The following TSPAN7 variants were observed in gnomAD, a reference collection of about 807,000 sequenced individuals.
TSPAN7 encodes the protein tetraspanin 7.
Under a neutral mutation model 17.6 loss-of-function variants are expected in TSPAN7, and 1 was observed. The observed-to-expected ratio is 0.06, with a 90% CI of 0.02 to 0.27. The LOEUF (loss-of-function observed/expected upper bound fraction) is 0.27. Among genes scored for constraint, TSPAN7 ranks in the 10% least tolerant of loss-of-function variants. The pLI is 1.00. For missense variants in TSPAN7, 112 were observed against 201.7 expected (o/e 0.56, Z 2.69); for synonymous variants, 78 against 79.0 (o/e 0.99, Z 0.07).
intron 1 of TSPAN7, among the ~76,000 whole-genome samples, chrX:38,653,012 C>T (rs7885202): frequency 0.12 from 13,738 of 111,401 alleles, 766 homozygotes; most frequent in East Asian, 0.24. Flanking sequence ...CTTACACTGC[C>T]GCAAGAGGCA....
chrX:38,653,255 G>A (rs139327069), intron 1 of TSPAN7, among the ~76,000 whole-genome samples: 173 of 111,890 alleles, frequency 1.5e-3, no homozygotes, highest in Non-Finnish European at 2.1e-3. Context: ...GGTTAACTCT[G>A]TTTCCAGACT....
At chrX:38,685,286 C>A (rs1189000508) in intron 6 of TSPAN7, among the ~76,000 whole-genome samples, 1 of 111,543 alleles carries the variant, frequency 9.0e-6, no homozygotes, top group African/African-American at 3.3e-5. Context: ...GTTTTCTTAT[C>A]TGGAAAACTG....
intron 1 of TSPAN7, among the ~76,000 whole-genome samples, chrX:38,630,433 G>C (rs1338523549): frequency 9.0e-6 from 1 of 111,237 alleles, no homozygotes; most frequent in Non-Finnish European, 1.9e-5. Context: ...TCTTATAGTA[G>C]GACTGAATTT....
intron 1 of TSPAN7, among the ~76,000 whole-genome samples, chrX:38,614,293 CTGT>C (rs1039074088): frequency 3.6e-5 from 4 of 111,819 alleles, no homozygotes; most frequent in African/African-American, 1.3e-4. Flanking sequence ...GTGCCAGGTA[CTGT>C]TGTTGAGTTC....
intron 1 of TSPAN7, among the ~76,000 whole-genome samples, chrX:38,625,223 C>A (rs1408034495): frequency 9.0e-6 from 1 of 110,742 alleles, no homozygotes; most frequent in Non-Finnish European, 1.9e-5. Context: ...ATCAGCTCAC[C>A]ACCACCCACC....
chrX:38,605,880 C>A (rs1318679465), intron 1 of TSPAN7, among the ~76,000 whole-genome samples: 20 of 106,935 alleles, frequency 1.9e-4, no homozygotes, highest in African/African-American at 6.8e-4. Context: ...GAAACTGGAT[C>A]CCTTCCTTAC....
At chrX:38,624,579 T>C (rs2069510103) in intron 1 of TSPAN7, among the ~76,000 whole-genome samples, 1 of 112,539 alleles carries the variant, frequency 8.9e-6, no homozygotes, top group Non-Finnish European at 1.9e-5. Context: ...TTCTCTAAGC[T>C]AAGAAACATT....
At chrX:38,569,394 T>C (rs1298071840) in intron 1 of TSPAN7, among the ~76,000 whole-genome samples, 1 of 107,585 alleles carries the variant, frequency 9.3e-6, no homozygotes, top group African/African-American at 3.4e-5. Flanking sequence ...CCACTGTGCT[T>C]ATATTCCCCA....
At chrX:38,678,699 T>A (rs1012422988) in intron 5 of TSPAN7, among the ~76,000 whole-genome samples, 1 of 112,252 alleles carries the variant, frequency 8.9e-6, no homozygotes, top group Non-Finnish European at 1.9e-5. Context: ...TCTTATTGTT[T>A]AAAAACAAAA....
intron 1 of TSPAN7, among the ~76,000 whole-genome samples, chrX:38,577,006 G>A (rs1040033705): frequency 9.0e-6 from 1 of 111,312 alleles, no homozygotes; most frequent in East Asian, 2.8e-4. Context: ...AGGTTAACTA[G>A]GTAAGAATGA....
chrX:38,668,159 G>A (rs1276993221), intron 2 of TSPAN7, among the ~76,000 whole-genome samples: 1 of 112,266 alleles, frequency 8.9e-6, no homozygotes, highest in African/African-American at 3.2e-5. Flanking sequence ...CGGCAAGGAT[G>A]TAACCTCCTT....
intron 1 of TSPAN7, among the ~76,000 whole-genome samples, chrX:38,654,449 T>C (rs1401458065): frequency 8.9e-6 from 1 of 112,388 alleles, no homozygotes; most frequent in African/African-American, 3.2e-5. Flanking sequence ...TTAGTCCCCC[T>C]TGTGGCCAAA....
chrX:38,627,134 G>A (rs989518441), intron 1 of TSPAN7, among the ~76,000 whole-genome samples: 1 of 112,137 alleles, frequency 8.9e-6, no homozygotes, highest in South Asian at 3.7e-4. Flanking sequence ...ACAAAATTAT[G>A]TAGCAAAGGG....
At chrX:38,632,040 G>A (rs192643839) in intron 1 of TSPAN7, among the ~76,000 whole-genome samples, 2 of 111,423 alleles carry the variant, frequency 1.8e-5, no homozygotes, top group Non-Finnish European at 3.8e-5. Flanking sequence ...TCTGATGACT[G>A]TGTTAAACTA....
chrX:38,660,806 C>T (rs1422283432), intron 1 of TSPAN7, among the ~76,000 whole-genome samples: 1 of 111,706 alleles, frequency 9.0e-6, no homozygotes, highest in Non-Finnish European at 1.9e-5. Flanking sequence ...TAGCTTGTAC[C>T]TCTGTGATTC....
At chrX:38,685,265 C>T (rs2069920573) in intron 6 of TSPAN7, among the ~76,000 whole-genome samples, 1 of 111,562 alleles carries the variant, frequency 9.0e-6, no homozygotes, top group Admixed American at 9.5e-5. Context: ...TTTAACCTCT[C>T]ATAACCCTCA....
intron 1 of TSPAN7, among the ~76,000 whole-genome samples, chrX:38,566,916 TGAA>T (rs935887920): frequency 4.5e-5 from 5 of 111,882 alleles, no homozygotes; most frequent in Non-Finnish European, 9.4e-5. Context: ...CCACCATGTG[TGAA>T]GAGAAGTTCC....
chrX:38,678,327 A>G (rs1442657439), intron 5 of TSPAN7, among the ~76,000 whole-genome samples: 1 of 112,156 alleles, frequency 8.9e-6, no homozygotes, highest in Non-Finnish European at 1.9e-5. Flanking sequence ...TACTTCTAGT[A>G]GTTAAAGTCG....
chrX:38,636,058 G>A (rs2147432209), intron 1 of TSPAN7, among the ~76,000 whole-genome samples: 1 of 102,139 alleles, frequency 9.8e-6, no homozygotes, highest in South Asian at 4.8e-4. Flanking sequence ...TTGCTAATTA[G>A]GGTTTTTTTT....
Sources: allele counts gnomAD v4.1 joint callset (sites outside exome capture counted in the v4.1 genomes callset), GRCh38; gene constraint gnomAD v4.1.1; transcripts MANE v1.5; gene names NCBI Gene and HGNC (gene_info 2026-07-23, HGNC 2026-07-21).